The following AXDND1 variants were observed in gnomAD, a reference collection of about 807,000 sequenced individuals.
AXDND1 encodes axonemal dynein light chain domain-containing protein 1.
A neutral mutation model predicts 137.5 loss-of-function variants in AXDND1; 110 were observed. The observed-to-expected ratio is 0.80, with a 90% confidence interval of 0.69 to 0.94. The LOEUF is 0.94. Ranked by LOEUF, AXDND1 falls within the 40% of genes least tolerant of loss-of-function variation. The pLI, the probability that AXDND1 is intolerant of heterozygous loss-of-function variation, is 0.00. For missense variants in AXDND1, 1,191 were observed against 1,169.8 expected (o/e 1.02, Z -0.26); for synonymous variants, 414 against 399.7 (o/e 1.04, Z -0.43).
chr1:179,441,417 C>A (rs1483745070), intron 15 of AXDND1, among the ~76,000 whole-genome samples: 1 of 152,218 alleles, frequency 6.6e-6, no homozygotes, highest in Non-Finnish European at 1.5e-5. Context: ...GCTAACACTG[C>A]AGAGCAATGA....
In AXDND1 at chr1:179,491,619, T is replaced by C. The variant is rs1572063469; in HGVS notation, c.2173T>C (p.Cys725Arg). ...LMIPNFTDQD[C>R]LLKLEEESAE... ...GATACCCAACTTTACTGACCAAGAC[T>C]GTCTCCTAAAGTTGGAGGAGGAAAG... Residue 725 changes from cysteine to arginine, a missense_variant, in exon 19 of 26, where the codon TGT becomes CGT. Coordinates refer to ENST00000367618, the MANE Select transcript of AXDND1 (RefSeq NM_144696.6). 3 of 1,613,898 alleles carry C rather than the reference T, an allele frequency of 1.9e-6. No individual in the cohort carries two copies. The highest frequency in any genetic ancestry group is 2.2e-5 in the East Asian group (1 of 44,856).
intron 18 of AXDND1, among the ~76,000 whole-genome samples, chr1:179,487,162 G>C (rs1166459433): frequency 6.7e-6 from 1 of 148,494 alleles, no homozygotes; most frequent in Non-Finnish European, 1.5e-5. Context: ...AACAAGAGTT[G>C]CTATTCTAAT....
At chr1:179,423,782 T>C (rs1482766692) in intron 12 of AXDND1, among the ~76,000 whole-genome samples, 4 of 152,216 alleles carry the variant, frequency 2.6e-5, no homozygotes, top group Admixed American at 6.5e-5. Flanking sequence ...CATTTACATA[T>C]TTGTATATAT....
intron 4 of AXDND1, 74 bp downstream of exon 4, chr1:179,370,152 G>A: frequency 8.5e-7 from 1 of 1,180,630 alleles, no homozygotes; most frequent in Non-Finnish European, 1.2e-6. Flanking sequence ...TACCTTGGGA[G>A]GGGCAGAATT....
chr1:179,547,769 C>A (rs1345498192), intron 25 of AXDND1, among the ~76,000 whole-genome samples: 1 of 152,118 alleles, frequency 6.6e-6, no homozygotes, highest in Non-Finnish European at 1.5e-5. Context: ...CTTGCCAAGG[C>A]AAACTGATTT....
chr1:179,366,255 C>T (rs1454005198), intron 1 of AXDND1, 149 bp from the exon 2 acceptor site: 2 of 293,642 alleles, frequency 6.8e-6, no homozygotes, highest in Admixed American at 9.5e-5. Context: ...ACTAAGGCTT[C>T]TTAGTCGCTA....
At chr1:179,509,901 C>G (rs10913806) in intron 21 of AXDND1, among the ~76,000 whole-genome samples, 51,697 of 151,986 alleles carry the variant, frequency 0.34, 8,746 homozygotes, top group East Asian at 0.4. Context: ...GACCTTGTCT[C>G]TCTGCTACTT....
At chr1:179,444,575 C>T (rs1253830987) in intron 15 of AXDND1, among the ~76,000 whole-genome samples, 1 of 151,460 alleles carries the variant, frequency 6.6e-6, no homozygotes, top group Non-Finnish European at 1.5e-5. Flanking sequence ...GAATAAAATA[C>T]AACTTGTATA....
At chr1:179,383,365 A>G (rs1030447237) in intron 7 of AXDND1, 77 bp from the exon 8 acceptor site, 3 of 1,046,136 alleles carry the variant, frequency 2.9e-6, no homozygotes, top group East Asian at 2.6e-5. Context: ...CTCTTTACAC[A>G]TATTATATTC....
chr1:179,381,928 G>GCGC (rs1311514230), intron 6 of AXDND1, among the ~76,000 whole-genome samples: 2 of 133,448 alleles, frequency 1.5e-5, no homozygotes, highest in Non-Finnish European at 3.2e-5. Context: ...TTACAGGCAC[G>GCGC]CGCCACCACA....
chr1:179,552,558 A>G (rs1472448691), intron 25 of AXDND1: 1 of 1,460,170 alleles, frequency 6.8e-7, no homozygotes, highest in Non-Finnish European at 9.6e-7. Flanking sequence ...CTCCACGAGC[A>G]GGCCTTCCTA....
At chr1:179,526,079 C>T (rs1465195535) in intron 22 of AXDND1, among the ~76,000 whole-genome samples, 1 of 151,166 alleles carries the variant, frequency 6.6e-6, no homozygotes, top group Non-Finnish European at 1.5e-5. Flanking sequence ...TTTTTTTAGC[C>T]CTTCATTGCC....
At chr1:179,525,889 C>A (rs969933656) in intron 22 of AXDND1, among the ~76,000 whole-genome samples, 1 of 151,972 alleles carries the variant, frequency 6.6e-6, no homozygotes, top group Non-Finnish European at 1.5e-5. Context: ...GGAGTGAACT[C>A]CAGTTTCCTT....
chr1:179,481,835 T>C (rs187721530), intron 17 of AXDND1, among the ~76,000 whole-genome samples: 29 of 152,370 alleles, frequency 1.9e-4, no homozygotes, highest in African/African-American at 6.5e-4. Context: ...TACTTTCATG[T>C]AGTTTTGGCT....
intron 6 of AXDND1, 23 bp from the exon 7 acceptor site, chr1:179,382,677 T>C (rs1648567317): frequency 6.4e-7 from 1 of 1,571,446 alleles, no homozygotes; most frequent in African/African-American, 1.4e-5. Flanking sequence ...TAAAATAACA[T>C]TTACCTATCT....
chr1:179,375,223 C>T (rs12130863), intron 4 of AXDND1, among the ~76,000 whole-genome samples: 13,275 of 151,634 alleles, frequency 0.088, 882 homozygotes, highest in East Asian at 0.35. Context: ...CTCAGCCTCC[C>T]GAGTAGCTGG....
At chr1:179,452,833 G>A (rs534424131) in intron 16 of AXDND1, 1 of 151,720 alleles carries the variant, frequency 6.6e-6, no homozygotes, top group African/African-American at 2.4e-5. Context: ...ATGTCTTCAG[G>A]GCATGTCATA....
At chr1:179,442,168 A>G (rs1210019934) in intron 15 of AXDND1, among the ~76,000 whole-genome samples, 5 of 152,070 alleles carry the variant, frequency 3.3e-5, no homozygotes, top group African/African-American at 1.2e-4. Flanking sequence ...TGGGGTTTCT[A>G]TTTCTGCTAC....
At chr1:179,424,944 C>T (rs1226187194) in intron 12 of AXDND1, among the ~76,000 whole-genome samples, 1 of 152,052 alleles carries the variant, frequency 6.6e-6, no homozygotes, top group Non-Finnish European at 1.5e-5. Flanking sequence ...TTCTGAATTG[C>T]TTTTCTGGGT....
Sources: gnomAD v4.1 joint callset for allele counts (sites outside exome capture counted in the v4.1 genomes callset) on GRCh38, gnomAD v4.1.1 for gene constraint, MANE v1.5 for transcripts, NCBI Gene and HGNC (gene_info 2026-07-23, HGNC 2026-07-21) for gene names.